The following TMEFF2 variants were observed in gnomAD, a reference collection of about 807,000 sequenced individuals.
TMEFF2 encodes the protein transmembrane protein with EGF like and two follistatin like domains 2, also known as tomoregulin-2.
Under a neutral mutation model 53.8 loss-of-function variants are expected in TMEFF2, and 28 were observed. That is an observed-to-expected ratio of 0.52 (90% CI 0.39 to 0.71). The LOEUF is 0.71. TMEFF2 is among the 30% of genes least tolerant of loss of function. The pLI is 0.00. For missense variants in TMEFF2, 353 were observed against 455.2 expected (o/e 0.78, Z 2.04); for synonymous variants, 162 against 166.3 (o/e 0.97, Z 0.20).
chr2:192,064,263 G>A (rs1383764260), intron 4 of TMEFF2, among the ~76,000 whole-genome samples: 1 of 151,654 alleles, frequency 6.6e-6, no homozygotes. Context: ...ATTACTTCAT[G>A]AAAAATTTAC....
chr2:192,122,217 T>G (rs965585677), intron 4 of TMEFF2, among the ~76,000 whole-genome samples: 2 of 152,158 alleles, frequency 1.3e-5, no homozygotes, highest in Non-Finnish European at 2.9e-5. Context: ...TGGCCATACT[T>G]CATCCCAACC....
intron 4 of TMEFF2, among the ~76,000 whole-genome samples, chr2:192,162,354 T>C (rs73049976): frequency 1.9e-3 from 287 of 152,304 alleles, no homozygotes; most frequent in African/African-American, 6.5e-3. Flanking sequence ...AAAAGTCTTT[T>C]AATATGTTTT....
At chr2:192,076,598 A>T (rs1688437864) in intron 4 of TMEFF2, among the ~76,000 whole-genome samples, 1 of 152,148 alleles carries the variant, frequency 6.6e-6, no homozygotes, top group African/African-American at 2.4e-5. Flanking sequence ...ATGCTTTAAG[A>T]CCATGCACTG....
chr2:192,102,852 T>C (rs1364940835), intron 4 of TMEFF2, among the ~76,000 whole-genome samples: 1 of 152,030 alleles, frequency 6.6e-6, no homozygotes, highest in African/African-American at 2.4e-5. Flanking sequence ...ATTACAGGCG[T>C]GAGCCACCAC....
rs74370501 is a variant in TMEFF2, at chr2:191,979,864, C to T, written c.745+18398G>A. Among the ~76,000 whole-genome samples the T allele has an allele frequency of 9.0e-3, 1,373 of 151,928 alleles. 14 individuals are homozygous for T. Among genetic ancestry groups the T allele is most frequent in the African/African-American group, 0.03 (1,262 of 41,466 alleles). On this transcript the variant is annotated intron_variant, in intron 7 of 9. Coordinates refer to ENST00000272771, the MANE Select transcript of TMEFF2 (RefSeq NM_016192.4). The stretch of plus-strand genomic sequence containing the variant: ...TATCTCTATCTATCTATCGATCTAT[C>T]TATCTATCTATATGTTTTAGCACCT...
At chr2:192,105,263 A>G (rs1044530610) in intron 4 of TMEFF2, among the ~76,000 whole-genome samples, 1 of 151,974 alleles carries the variant, frequency 6.6e-6, no homozygotes, top group Non-Finnish European at 1.5e-5. Flanking sequence ...CATAAAATTA[A>G]TATTATTTTT....
At chr2:192,157,490 A>G (rs1463086854) in intron 4 of TMEFF2, among the ~76,000 whole-genome samples, 1 of 152,082 alleles carries the variant, frequency 6.6e-6, no homozygotes. Flanking sequence ...ATTGTGACTA[A>G]AAAACAAAAT....
intron 7 of TMEFF2, among the ~76,000 whole-genome samples, chr2:191,959,859 C>T (rs1388900084): frequency 6.6e-6 from 1 of 152,044 alleles, no homozygotes; most frequent in Non-Finnish European, 1.5e-5. Context: ...ATTATCTATC[C>T]AAGTGCTCTC....
At chr2:192,009,849 AG>A (rs1232402173) in intron 5 of TMEFF2, among the ~76,000 whole-genome samples, 1 of 152,166 alleles carries the variant, frequency 6.6e-6, no homozygotes, top group African/African-American at 2.4e-5. Context: ...GTAGAGCACA[AG>A]TATTATATTA....
At chr2:192,046,380 AAAG>A (rs1380502738) in intron 5 of TMEFF2, among the ~76,000 whole-genome samples, 1 of 152,128 alleles carries the variant, frequency 6.6e-6, no homozygotes, top group Admixed American at 6.6e-5. Flanking sequence ...AAAAAAGAAA[AAAG>A]AAAAAAGAGA....
intron 4 of TMEFF2, among the ~76,000 whole-genome samples, chr2:192,134,031 C>A (rs1404853873): frequency 2.0e-5 from 3 of 152,194 alleles, no homozygotes; most frequent in Non-Finnish European, 2.9e-5. Flanking sequence ...CTTGACCTTA[C>A]TGTTTTAGCC....
intron 8 of TMEFF2, 31 bp from the exon 9 acceptor site, chr2:191,953,868 T>C: frequency 6.7e-7 from 1 of 1,492,776 alleles, no homozygotes; most frequent in Middle Eastern, 1.9e-4. Flanking sequence ...CAGTTACCTG[T>C]AGGGTGCTGC....
At chr2:192,189,445 T>C (rs1691405274) in intron 2 of TMEFF2, among the ~76,000 whole-genome samples, 1 of 150,398 alleles carries the variant, frequency 6.6e-6, no homozygotes, top group Non-Finnish European at 1.5e-5. Context: ...CTCGGGAGGC[T>C]GAGGCACAAG....
At chr2:192,116,305 G>C (rs1308745046) in intron 4 of TMEFF2, among the ~76,000 whole-genome samples, 2 of 152,002 alleles carry the variant, frequency 1.3e-5, no homozygotes, top group Non-Finnish European at 2.9e-5. Flanking sequence ...AGAGCAGAGT[G>C]TGATTACGGA....
At chr2:192,001,341 C>A (rs1686353199) in intron 5 of TMEFF2, among the ~76,000 whole-genome samples, 1 of 151,838 alleles carries the variant, frequency 6.6e-6, no homozygotes, top group Non-Finnish European at 1.5e-5. Context: ...TAGAAATGTA[C>A]ACTATATATA....
At chr2:192,055,840 T>A (rs1384290196) in intron 5 of TMEFF2, among the ~76,000 whole-genome samples, 1 of 149,458 alleles carries the variant, frequency 6.7e-6, no homozygotes, top group Admixed American at 6.6e-5. Flanking sequence ...AAAACATACA[T>A]TTGTTTACCT....
intron 4 of TMEFF2, among the ~76,000 whole-genome samples, chr2:192,150,703 T>TC (rs1690363826): frequency 6.6e-6 from 1 of 150,966 alleles, no homozygotes; most frequent in African/African-American, 2.4e-5. Flanking sequence ...ATGTTTTTTT[T>TC]TTTTTTTACA....
At chr2:192,070,341 T>TCTTC (rs1170570573) in intron 4 of TMEFF2, among the ~76,000 whole-genome samples, 2 of 151,824 alleles carry the variant, frequency 1.3e-5, no homozygotes, top group African/African-American at 4.8e-5. Context: ...TCATGTTTTG[T>TCTTC]AGGGCTTCAC....
intron 2 of TMEFF2, among the ~76,000 whole-genome samples, chr2:192,188,809 T>C (rs1691380850): frequency 6.6e-6 from 1 of 151,316 alleles, no homozygotes; most frequent in South Asian, 2.1e-4. Flanking sequence ...CTCCCTCCCT[T>C]CCTTCCTCCC....
Sources: allele counts gnomAD v4.1 joint callset (sites outside exome capture counted in the v4.1 genomes callset), GRCh38; gene constraint gnomAD v4.1.1; transcripts MANE v1.5; gene names NCBI Gene and HGNC (gene_info 2026-07-23, HGNC 2026-07-21).